PTPRT: variants seen among roughly 807,000 people sequenced by gnomAD.
PTPRT encodes the protein protein tyrosine phosphatase receptor type T.
In PTPRT, 56 loss-of-function variants were observed where a neutral mutation model predicts 176.8. The ratio of observed to expected loss-of-function variants is 0.32; its 90% CI spans 0.26 to 0.40. The LOEUF is 0.40. Among genes scored for constraint, PTPRT ranks in the 10% least tolerant of loss-of-function variants. PTPRT has a pLI of 1.00. For synonymous variants in PTPRT, 783 were observed against 739.0 expected (o/e 1.06, Z -0.96); for missense variants, 1,540 against 1,908.2 (o/e 0.81, Z 3.60).
intron 25 of PTPRT, among the ~76,000 whole-genome samples, chr20:42,103,448 T>C (rs1986142504): frequency 6.6e-6 from 1 of 152,192 alleles, no homozygotes; most frequent in Admixed American, 6.5e-5. Flanking sequence ...AGACTGCAGG[T>C]TTTAAAATTT....
chr20:42,118,407 C>T lies in PTPRT; in HGVS notation c.2978G>A (p.Gly993Asp). 6.2e-7 allele frequency: 1 copy of T among 1,610,848 alleles called. No individual in the cohort carries two copies. The highest frequency in any genetic ancestry group is 8.5e-7 in the Non-Finnish European group (1 of 1,178,304). The stretch of plus-strand genomic sequence containing the variant: ...GCGAGTGCAGGAGAGGCTTACCCTG[C>T]CCACTTCCACCAGGTTTGTGACCAT... ...IVMVTNLVEVGRVKCVRYWPD... is the reference protein window; with the variant it reads ...IVMVTNLVEVDRVKCVRYWPD... The change falls in exon 21 of 31, where the codon GGC (glycine) becomes GAC (aspartate). Residue 993 changes from glycine to aspartate, a missense_variant. Around this residue, in one of 11 missense-constraint regions of PTPRT, gnomAD observed 248 missense variants for 356.7 expected, o/e 0.70. Coordinates refer to ENST00000373187, the MANE Select transcript of PTPRT (RefSeq NM_007050.6).
chr20:42,453,063 C>T (rs1000905075), intron 8 of PTPRT, among the ~76,000 whole-genome samples: 42 of 152,156 alleles, frequency 2.8e-4, no homozygotes, highest in African/African-American at 9.9e-4. Flanking sequence ...GACAGTATTT[C>T]TCTATCGCAT....
At chr20:42,469,491 C>A (rs906400506) in intron 8 of PTPRT, among the ~76,000 whole-genome samples, 3 of 152,160 alleles carry the variant, frequency 2.0e-5, no homozygotes, top group Non-Finnish European at 2.9e-5. Context: ...GGTGAGCCAC[C>A]ATGTCTGGCC....
chr20:42,662,438 C>T (rs2075239990), intron 7 of PTPRT, among the ~76,000 whole-genome samples: 2 of 152,234 alleles, frequency 1.3e-5, no homozygotes, highest in South Asian at 2.1e-4. Flanking sequence ...TGGAGCAAAA[C>T]ACTAAATCTC....
chr20:42,508,476 T>C (rs933661477), intron 7 of PTPRT, among the ~76,000 whole-genome samples: 1 of 152,036 alleles, frequency 6.6e-6, no homozygotes, highest in Admixed American at 6.6e-5. Context: ...CTTTATAAAG[T>C]TGTGGTGGAG....
At chr20:42,184,535 C>CT (rs1568652084) in intron 16 of PTPRT, among the ~76,000 whole-genome samples, 2,533 of 36,620 alleles carry the variant, frequency 0.069, 140 homozygotes, top group Admixed American at 0.097. Flanking sequence ...CTTCTTCTTC[C>CT]TCTTCCTCTT....
In PTPRT at chr20:42,099,558, G is replaced by GT. The variant is rs1985705025; in HGVS notation, c.3715-1007_3715-1006insA. On this transcript the variant is annotated intron_variant, in intron 26 of 30. Transcript: ENST00000373187. ...AAAATGGCCTGGGCGGGGGGGGGGG[G>GT]GGTGGGGTGGTCTGGCAGCTTCATC... Among the ~76,000 whole-genome samples the GT allele has an allele frequency of 7.6e-5, 3 of 39,658 alleles. No homozygotes were observed. In the East Asian group the frequency reaches 2.1e-3, roughly 28 times the overall value. The allele number at this position is 39,658 out of a possible 152,430, so 26.0% of individuals were successfully genotyped here.
chr20:43,146,878 G>A (rs6030670), intron 1 of PTPRT, among the ~76,000 whole-genome samples: 69,759 of 151,926 alleles, frequency 0.46, 17,699 homozygotes, highest in Non-Finnish European at 0.58. Context: ...CTGTCAATAC[G>A]ATGGAACTAT....
At chr20:42,555,496 G>A (rs1395655675) in intron 7 of PTPRT, among the ~76,000 whole-genome samples, 2 of 152,162 alleles carry the variant, frequency 1.3e-5, no homozygotes, top group African/African-American at 4.8e-5. Flanking sequence ...TTGCTAGCAA[G>A]CAACTGCAAC....
intron 1 of PTPRT, among the ~76,000 whole-genome samples, chr20:42,958,585 C>T (rs1981810741): frequency 6.6e-6 from 1 of 151,980 alleles, no homozygotes; most frequent in South Asian, 2.1e-4. Flanking sequence ...GCCAAGTGAC[C>T]TCACCAACCC....
chr20:42,597,126 T>A (rs550626149), intron 7 of PTPRT, among the ~76,000 whole-genome samples: 1 of 152,182 alleles, frequency 6.6e-6, no homozygotes, highest in Non-Finnish European at 1.5e-5. Context: ...CAAGCGCACA[T>A]AATTATTGGC....
chr20:42,949,550 T>C (rs1981099472), intron 1 of PTPRT, among the ~76,000 whole-genome samples: 1 of 152,220 alleles, frequency 6.6e-6, no homozygotes, highest in South Asian at 2.1e-4. Context: ...TCCAGTTATA[T>C]GGATTCATTT....
intron 12 of PTPRT, among the ~76,000 whole-genome samples, chr20:42,305,671 T>C (rs560753498): frequency 3.6e-4 from 55 of 152,150 alleles, no homozygotes; most frequent in Middle Eastern, 3.4e-3. Flanking sequence ...ACCTGAAAGG[T>C]CCTTTGCAAA....
At chr20:42,571,913 G>T (rs899810156) in intron 7 of PTPRT, among the ~76,000 whole-genome samples, 2 of 152,144 alleles carry the variant, frequency 1.3e-5, no homozygotes, top group Non-Finnish European at 2.9e-5. Context: ...CCACATATCA[G>T]CCAGGAGAAT....
chr20:42,456,023 T>C (rs912855643), intron 8 of PTPRT, among the ~76,000 whole-genome samples: 1 of 152,104 alleles, frequency 6.6e-6, no homozygotes, highest in Non-Finnish European at 1.5e-5. Flanking sequence ...CATGTCTTTA[T>C]AATAATAGTT....
rs763044112 is a variant in PTPRT at position 42,104,662 on chromosome 20, A to T, written c.3447T>A (p.Thr1149=). Residue 1149 remains threonine, a synonymous_variant, in exon 25 of 31, where the codon ACT becomes ACA. Coordinates refer to ENST00000373187, the MANE Select transcript of PTPRT (RefSeq NM_007050.6). ...AILEACLCGN[T]AIPVCEFRSL... ...AACGGAACTCACACACAGGGATGGC[A>T]GTGTTGCCACAGAGGCACGCTTCCA... is the stretch of plus-strand genomic sequence containing the variant. 8 of 1,595,866 alleles carry T rather than the reference A, an allele frequency of 5.0e-6. No homozygotes were observed. In the Admixed American group the frequency reaches 1.3e-4, roughly 27 times the overall value.
At chr20:42,985,272 G>A (rs1983508526) in intron 1 of PTPRT, among the ~76,000 whole-genome samples, 1 of 152,088 alleles carries the variant, frequency 6.6e-6, no homozygotes, top group Non-Finnish European at 1.5e-5. Flanking sequence ...CGAGGTGGGT[G>A]GATCATGAGG....
intron 6 of PTPRT, among the ~76,000 whole-genome samples, chr20:42,748,209 T>G (rs1338346902): frequency 6.6e-6 from 1 of 152,172 alleles, no homozygotes; most frequent in African/African-American, 2.4e-5. Context: ...AGAGAAAGTC[T>G]GCCAACCTTG....
chr20:42,449,907 CTT>C (rs2070796737), intron 8 of PTPRT, among the ~76,000 whole-genome samples: 2 of 152,098 alleles, frequency 1.3e-5, no homozygotes, highest in Admixed American at 1.3e-4. Flanking sequence ...ATTTTCCAAT[CTT>C]TTTATGCATA....
Sources: allele counts gnomAD v4.1 joint callset (sites outside exome capture counted in the v4.1 genomes callset), GRCh38; gene constraint gnomAD v4.1.1; regional missense constraint gnomAD v4.1.1; transcripts MANE v1.5; gene names NCBI Gene and HGNC (gene_info 2026-07-23, HGNC 2026-07-21).